Variants in SDCCAG8 observed in about 807,000 individuals in gnomAD.
SDCCAG8 encodes the protein SHH signaling and ciliogenesis regulator SDCCAG8.
Under a neutral mutation model 101.8 loss-of-function variants are expected in SDCCAG8, and 74 were observed. The ratio of observed to expected loss-of-function variants is 0.73; its 90% CI spans 0.60 to 0.88. SDCCAG8 has a LOEUF of 0.88. Ranked by LOEUF, SDCCAG8 falls within the 40% of genes least tolerant of loss-of-function variation. SDCCAG8 has a pLI of 0.00. For synonymous variants in SDCCAG8, 281 were observed against 292.9 expected, an observed-to-expected ratio of 0.96 and a Z score of 0.41; for missense variants, 787 against 822.6, an observed-to-expected ratio of 0.96 and a Z score of 0.53.
intron 16 of SDCCAG8, chr1:243,488,427 GTGCTGCTGGC>G: frequency 1.9e-5 from 3 of 162,084 alleles, no homozygotes; most frequent in South Asian, 1.7e-4. Context: ...ATGGGTGACT[GTGCTGCTGGC>G]TGTAGGAAGC....
At chr1:243,456,365 G>A (rs1271363477) in intron 16 of SDCCAG8, among the ~76,000 whole-genome samples, 1 of 152,212 alleles carries the variant, frequency 6.6e-6, no homozygotes, top group South Asian at 2.1e-4. Flanking sequence ...GTTATCAAAA[G>A]CTAAATGACG....
At position 243,499,970 on chromosome 1, in the gene SDCCAG8, ACT is replaced by A. The variant is rs1669093544; in HGVS notation, c.*188_*189del. 7.7e-6 allele frequency: 5 copies of A among 646,432 alleles called. No individual in the cohort carries two copies. Among genetic ancestry groups the A allele is most frequent in the Non-Finnish European group, 8.4e-6 (3 of 357,182 alleles). 40.0% of individuals were successfully genotyped at this position (646,432 alleles called of 1,614,324 possible). A position where few individuals can be genotyped will look rare whatever the true frequency, so the allele number is the denominator to read the frequency against. ...GCAGTCGGGCTGGAGCTGGAGTCTG[ACT>A]CTAGCTGAGCAGAGCTCCTGGTGTA... On this transcript the variant is annotated 3_prime_UTR_variant, in exon 18 of 18. Transcript: ENST00000366541.
At chr1:243,329,681 A>G (rs2074447239) in intron 9 of SDCCAG8, among the ~76,000 whole-genome samples, 3 of 152,212 alleles carry the variant, frequency 2.0e-5, no homozygotes, top group Admixed American at 6.5e-5. Context: ...GGATTTTACT[A>G]TGCAATCTGT....
intron 5 of SDCCAG8, among the ~76,000 whole-genome samples, chr1:243,291,653 CTG>C (rs2070282930): frequency 6.6e-6 from 1 of 152,140 alleles, no homozygotes; most frequent in Non-Finnish European, 1.5e-5. Flanking sequence ...AAGGAAAAAA[CTG>C]TTCCTTTTTC....
chr1:243,346,970 C>T (rs2075750977), intron 12 of SDCCAG8, among the ~76,000 whole-genome samples: 1 of 152,124 alleles, frequency 6.6e-6, no homozygotes, highest in Non-Finnish European at 1.5e-5. Context: ...ATCATTTTGC[C>T]CGTCCTCTTC....
chr1:243,359,353 A>G (rs1197988475), intron 12 of SDCCAG8, among the ~76,000 whole-genome samples: 1 of 152,230 alleles, frequency 6.6e-6, no homozygotes, highest in East Asian at 1.9e-4. Context: ...CTCACAGTGA[A>G]TGTACTAAAC....
chr1:243,316,747 G>T lies in SDCCAG8; in HGVS notation c.930-8G>T. On this transcript the variant is annotated splice_region_variant and splice_polypyrimidine_tract_variant and intron_variant, in intron 8 of 17. Coordinates refer to ENST00000366541, the MANE Select transcript of SDCCAG8 (RefSeq NM_006642.5). ...TTCTTGTTTTGAATGTTCTTTTTGT[G>T]CTGACAGAGAAAGAGATGACTTGAT... 6.2e-7 allele frequency: 1 copy of T among 1,614,036 alleles called. No individual in the cohort carries two copies. The highest frequency in any genetic ancestry group is 2.2e-5 in the East Asian group (1 of 44,876).
chr1:243,477,322 G>T (rs1048361956), intron 16 of SDCCAG8, among the ~76,000 whole-genome samples: 2 of 152,048 alleles, frequency 1.3e-5, no homozygotes, highest in African/African-American at 4.8e-5. Context: ...CCATTCCTCT[G>T]TCCCATTTCC....
chr1:243,341,495 C>A (rs1352270715), intron 11 of SDCCAG8, among the ~76,000 whole-genome samples: 3 of 152,104 alleles, frequency 2.0e-5, no homozygotes, highest in African/African-American at 7.2e-5. Context: ...ATTTGATAAA[C>A]CTCATTTTTC....
chr1:243,336,458 G>T (rs1206744553), intron 10 of SDCCAG8, among the ~76,000 whole-genome samples: 1 of 152,170 alleles, frequency 6.6e-6, no homozygotes, highest in African/African-American at 2.4e-5. Context: ...TTGGCTCATG[G>T]TTCTGCAGGC....
intron 13 of SDCCAG8, among the ~76,000 whole-genome samples, chr1:243,415,443 A>G (rs2080506116): frequency 6.6e-6 from 1 of 152,204 alleles, no homozygotes; most frequent in Non-Finnish European, 1.5e-5. Context: ...TTTTAAAGTT[A>G]CAAAATACCA....
At chr1:243,270,940 C>A in intron 2 of SDCCAG8, 38 bp from the exon 3 acceptor site, 1 of 1,467,640 alleles carries the variant, frequency 6.8e-7, no homozygotes, top group South Asian at 1.1e-5. Flanking sequence ...CCATGGATCT[C>A]AAATAAGGTT....
chr1:243,446,894 T>A (rs1342078813), intron 16 of SDCCAG8, among the ~76,000 whole-genome samples: 2 of 152,146 alleles, frequency 1.3e-5, no homozygotes, highest in Non-Finnish European at 2.9e-5. Context: ...GACTACTTTC[T>A]TAGGAGACTG....
At chr1:243,345,078 T>C (rs192832101) in intron 12 of SDCCAG8, among the ~76,000 whole-genome samples, 1 of 152,304 alleles carries the variant, frequency 6.6e-6, no homozygotes, top group East Asian at 1.9e-4. Flanking sequence ...ATAGTAAGAC[T>C]GGGTTCTTAG....
chr1:243,393,450 A>G (rs1455538051), intron 13 of SDCCAG8, among the ~76,000 whole-genome samples: 1 of 151,086 alleles, frequency 6.6e-6, no homozygotes, highest in Non-Finnish European at 1.5e-5. Context: ...CATTGGTCTG[A>G]GATAAGACCT....
chr1:243,480,761 TGGATGGATGGGTG>T (rs1663521040), intron 16 of SDCCAG8, among the ~76,000 whole-genome samples: 1 of 86,650 alleles, frequency 1.2e-5, no homozygotes, highest in Non-Finnish European at 2.2e-5. Flanking sequence ...GGGGGATGGA[TGGATGGATGGGTG>T]GGATGGATGG....
chr1:243,470,196 C>A (rs1367786606), intron 16 of SDCCAG8, among the ~76,000 whole-genome samples: 1 of 152,164 alleles, frequency 6.6e-6, no homozygotes, highest in Non-Finnish European at 1.5e-5. Flanking sequence ...GCCTTCTGCC[C>A]AGATGTGGCG....
intron 16 of SDCCAG8, among the ~76,000 whole-genome samples, chr1:243,433,660 T>C (rs528848599): frequency 1.3e-5 from 2 of 152,316 alleles, no homozygotes; most frequent in African/African-American, 2.4e-5. Context: ...GGTCTGTTAT[T>C]GAGATTTGGA....
rs373624566 is a variant in SDCCAG8, at chr1:243,497,337, T to TGGG, written c.2113-2410_2113-2408dup. On this transcript the variant is annotated intron_variant, in intron 17 of 17. Transcript: ENST00000366541. ...GGTCAGGCACGGCTGTAGGCACGGG[T>TGGG]GGGGGGGGGGGCGTTGAGCAGTGAA... Among the ~76,000 whole-genome samples the TGGG allele has an allele frequency of 2.6e-3, 91 of 35,394 alleles. 1 individual carries two copies. The highest frequency in any genetic ancestry group is 4.3e-3 in the Non-Finnish European group (65 of 14,950). The allele number at this position is 35,394 out of a possible 152,430, so 23.2% of individuals were successfully genotyped here.
Sources: allele counts gnomAD v4.1 joint callset (sites outside exome capture counted in the v4.1 genomes callset), GRCh38; gene constraint gnomAD v4.1.1; transcripts MANE v1.5; gene names NCBI Gene and HGNC (gene_info 2026-07-23, HGNC 2026-07-21).